The following DDAH1 variants were observed in gnomAD, a reference collection of about 807,000 sequenced individuals.
DDAH1 encodes the protein N(G),N(G)-dimethylarginine dimethylaminohydrolase 1.
A neutral mutation model predicts 28.8 loss-of-function variants in DDAH1; 19 were observed. That is an observed-to-expected ratio of 0.66 (90% confidence interval 0.46 to 0.97). The LOEUF (loss-of-function observed/expected upper bound fraction) is 0.97. DDAH1 is among the 50% of genes least tolerant of loss of function. The pLI is 0.00. For synonymous variants in DDAH1, 153 were observed against 154.4 expected (o/e 0.99, Z 0.07); for missense variants, 326 against 375.9 (o/e 0.87, Z 1.10).
intron 1 of DDAH1, among the ~76,000 whole-genome samples, chr1:85,423,679 G>A (rs1322667982): frequency 1.3e-5 from 2 of 152,152 alleles, no homozygotes; most frequent in East Asian, 3.8e-4. Flanking sequence ...AGTTCTAGAA[G>A]TTGTGTTTTC....
At chr1:85,395,613 G>A (rs890795341) in intron 1 of DDAH1, among the ~76,000 whole-genome samples, 3 of 151,684 alleles carry the variant, frequency 2.0e-5, no homozygotes, top group Admixed American at 1.3e-4. Context: ...CAGAGATTGC[G>A]GTGAGCTGAG....
At chr1:85,479,776 G>C (rs771470173) in intron 2 of DDAH1, among the ~76,000 whole-genome samples, 1 of 152,168 alleles carries the variant, frequency 6.6e-6, no homozygotes, top group Non-Finnish European at 1.5e-5. Context: ...GATCCCTTTA[G>C]GGTGAAAATG....
intron 1 of DDAH1, among the ~76,000 whole-genome samples, chr1:85,552,401 G>A (rs995793419): frequency 2.0e-5 from 3 of 152,088 alleles, no homozygotes; most frequent in Admixed American, 1.3e-4. Context: ...GCTTTTCCTC[G>A]TACAATATAC....
chr1:85,372,878 A>G (rs1650458732), intron 1 of DDAH1, among the ~76,000 whole-genome samples: 1 of 152,108 alleles, frequency 6.6e-6, no homozygotes, highest in African/African-American at 2.4e-5. Flanking sequence ...AAGCAGATTT[A>G]TTATAGATCG....
chr1:85,456,989 C>G (rs1213035612), intron 1 of DDAH1, among the ~76,000 whole-genome samples: 1 of 152,134 alleles, frequency 6.6e-6, no homozygotes, highest in Non-Finnish European at 1.5e-5. Context: ...AGTCAGGAAT[C>G]CTAGAAGGGG....
rs1207292485 is a variant in DDAH1 at position 85,412,804 on chromosome 1, C to A, written c.303+51939G>T. 3.9e-5 allele frequency among the ~76,000 whole-genome samples: 6 copies of A among 152,204 alleles called. No homozygotes were observed. The South Asian group carries it at 6.2e-4, about 16-fold the overall frequency. ...TTGCTTGAGCCCAGGAGTTCGAGACCAGCCTGAGTAACATGGCAAGACCTT... is the reference window on the plus strand; with the variant it reads ...TTGCTTGAGCCCAGGAGTTCGAGACAAGCCTGAGTAACATGGCAAGACCTT... On this transcript the variant is annotated intron_variant, in intron 1 of 5. Transcript: ENST00000284031.
intron 1 of DDAH1, among the ~76,000 whole-genome samples, chr1:85,499,606 C>T (rs1355614203): frequency 1.3e-5 from 2 of 150,316 alleles, no homozygotes; most frequent in Admixed American, 6.7e-5. Context: ...AGCCAGGAGG[C>T]GGAGGTTGCA....
chr1:85,431,099 G>A (rs561888574), intron 1 of DDAH1, among the ~76,000 whole-genome samples: 1 of 152,262 alleles, frequency 6.6e-6, no homozygotes, highest in South Asian at 2.1e-4. Context: ...TTTTTAGCAT[G>A]AAGGGGTGTT....
At chr1:85,339,327 A>G (rs1648327101) in intron 4 of DDAH1, among the ~76,000 whole-genome samples, 1 of 152,194 alleles carries the variant, frequency 6.6e-6, no homozygotes, top group Non-Finnish European at 1.5e-5. Flanking sequence ...ACTTGGTCCC[A>G]CTTCGGGAAG....
chr1:85,440,223 T>C (rs1396223424), intron 1 of DDAH1, among the ~76,000 whole-genome samples: 1 of 152,202 alleles, frequency 6.6e-6, no homozygotes, highest in Non-Finnish European at 1.5e-5. Context: ...ATAATTAAGG[T>C]ACTTTTAATT....
At chr1:85,387,474 T>A (rs1460445938) in intron 1 of DDAH1, among the ~76,000 whole-genome samples, 1 of 152,214 alleles carries the variant, frequency 6.6e-6, no homozygotes, top group East Asian at 1.9e-4. Flanking sequence ...GCTGCCGAGA[T>A]ATTTGTTAAG....
chr1:85,400,737 T>C (rs1435854344), intron 1 of DDAH1, among the ~76,000 whole-genome samples: 1 of 152,186 alleles, frequency 6.6e-6, no homozygotes, highest in Non-Finnish European at 1.5e-5. Context: ...TAGACTAAAA[T>C]ACCCACCAGG....
intron 4 of DDAH1, among the ~76,000 whole-genome samples, chr1:85,343,151 A>C (rs1405848550): frequency 6.6e-6 from 1 of 152,180 alleles, no homozygotes; most frequent in Non-Finnish European, 1.5e-5. Context: ...TTTTAAATAT[A>C]ATTTATTCCT....
At chr1:85,398,621 C>T (rs967985108) in intron 1 of DDAH1, 3 of 152,210 alleles carry the variant, frequency 2.0e-5, no homozygotes, top group Admixed American at 6.5e-5. Flanking sequence ...GAATATCTAA[C>T]GCCACAACCA....
chr1:85,433,322 G>A (rs1427501102), intron 1 of DDAH1, among the ~76,000 whole-genome samples: 2 of 152,072 alleles, frequency 1.3e-5, no homozygotes, highest in African/African-American at 4.8e-5. Flanking sequence ...TGGCAGGGGC[G>A]AGGAGACAGG....
chr1:85,475,845 G>C (rs1029452476), intron 2 of DDAH1, among the ~76,000 whole-genome samples: 2 of 151,854 alleles, frequency 1.3e-5, no homozygotes, highest in Non-Finnish European at 2.9e-5. Flanking sequence ...TTGTTTGTTC[G>C]TTTGTTTTTG....
intron 2 of DDAH1, among the ~76,000 whole-genome samples, chr1:85,470,501 T>G (rs949364678): frequency 6.6e-6 from 1 of 152,172 alleles, no homozygotes; most frequent in Admixed American, 6.5e-5. Flanking sequence ...AACCAAACCA[T>G]ATCAGGGTGG....
Position 85,531,862 on chromosome 1 carries a change from C to A in DDAH1, c.-122-35581G>T, listed in dbSNP as rs372738644. ...ACAGAGGCTGAAGAAGTTAACCAAT[C>A]TGCTTAAAGTCACACACAGCTAGAA... On this transcript the variant is annotated intron_variant, in intron 1 of 6. Transcript: ENST00000426972. Among the ~76,000 whole-genome samples, 695 of 148,924 alleles carry A rather than the reference C, an allele frequency of 4.7e-3. 4 individuals are homozygous for A. The highest frequency in any genetic ancestry group is 0.016 in the African/African-American group (667 of 40,582).
At chr1:85,518,009 C>T (rs1657534040) in intron 1 of DDAH1, among the ~76,000 whole-genome samples, 1 of 152,196 alleles carries the variant, frequency 6.6e-6, no homozygotes, top group Non-Finnish European at 1.5e-5. Context: ...TAATTGTGCA[C>T]ATGAGAAGCT....
Sources: gnomAD v4.1 joint callset for allele counts (sites outside exome capture counted in the v4.1 genomes callset) on GRCh38, gnomAD v4.1.1 for gene constraint, MANE v1.5 for transcripts, NCBI Gene and HGNC (gene_info 2026-07-23, HGNC 2026-07-21) for gene names.